TBC1D22A: variants seen among roughly 807,000 people sequenced by gnomAD.
TBC1D22A encodes the protein TBC1 domain family member 22A.
In TBC1D22A, 38 loss-of-function variants were observed where a neutral mutation model predicts 60.2. The observed-to-expected ratio is 0.63, with a 90% CI of 0.49 to 0.83. TBC1D22A has a LOEUF of 0.83. Among genes scored for constraint, TBC1D22A ranks in the 40% least tolerant of loss-of-function variants. TBC1D22A has a pLI of 0.00. For synonymous variants in TBC1D22A, 302 were observed against 281.7 expected (o/e 1.07, Z -0.72); for missense variants, 628 against 701.0 (o/e 0.90, Z 1.18).
chr22:46,920,686 G>A (rs1056745999), intron 8 of TBC1D22A, among the ~76,000 whole-genome samples: 4 of 152,080 alleles, frequency 2.6e-5, no homozygotes. Flanking sequence ...GAAAGTTTTT[G>A]TGTTTATAGA....
intron 4 of TBC1D22A, among the ~76,000 whole-genome samples, chr22:46,877,063 T>C (rs2067602166): frequency 6.6e-6 from 1 of 152,206 alleles, no homozygotes. Context: ...AGAAGTGAGA[T>C]TTGTCTGTGC....
At chr22:46,927,156 A>G (rs2071093913) in intron 8 of TBC1D22A, among the ~76,000 whole-genome samples, 1 of 152,222 alleles carries the variant, frequency 6.6e-6, no homozygotes, top group Non-Finnish European at 1.5e-5. Context: ...ACAAGGAAAG[A>G]AAATTACAGA....
intron 12 of TBC1D22A, among the ~76,000 whole-genome samples, chr22:47,150,779 C>T (rs1052920610): frequency 2.6e-5 from 4 of 152,176 alleles, no homozygotes; most frequent in Non-Finnish European, 5.9e-5. Flanking sequence ...CACTCCCACC[C>T]CCAGCATCGT....
rs146321694 is a variant in TBC1D22A at position 46,957,361 on chromosome 22, T to C, written c.1016-16929T>C. Among the ~76,000 whole-genome samples the C allele has an allele frequency of 4.8e-3, 733 of 152,312 alleles. 8 individuals carry two copies. Among genetic ancestry groups the C allele is most frequent in the African/African-American group, 0.017 (695 of 41,570 alleles). Reference sequence around the variant, plus strand: ...AGTTCTGCAGGCTTAACAGGAAGCATGGCTGGAAGGCCTTAGGAAACTTAC... The same window carrying C: ...AGTTCTGCAGGCTTAACAGGAAGCACGGCTGGAAGGCCTTAGGAAACTTAC... On this transcript the variant is annotated intron_variant, in intron 8 of 12. Coordinates refer to ENST00000337137, the MANE Select transcript of TBC1D22A (RefSeq NM_014346.5).
At chr22:46,897,652 G>GTT (rs34529641) in intron 7 of TBC1D22A, among the ~76,000 whole-genome samples, 5 of 111,476 alleles carry the variant, frequency 4.5e-5, no homozygotes, top group African/African-American at 2.0e-4. Flanking sequence ...TTTTTTTTGT[G>GTT]TTTTTTTTTT....
rs143052447 is a variant in TBC1D22A, at chr22:46,804,517, C to T, written c.637+6897C>T. ...GCGGCTGTTTTATCTGCAGAGTGAT[C>T]TGGGCTTCAGGCAGGGCATGCGAGA... is the stretch of plus-strand genomic sequence containing the variant. On this transcript the variant is annotated intron_variant, in intron 4 of 12. Transcript: ENST00000337137. Among the ~76,000 whole-genome samples, 279 of 152,298 alleles carry T rather than the reference C, an allele frequency of 1.8e-3. 4 individuals carry two copies. In the East Asian group the frequency reaches 0.044, roughly 24 times the overall value.
intron 11 of TBC1D22A, among the ~76,000 whole-genome samples, chr22:47,083,400 C>T (rs1403594590): frequency 6.6e-6 from 1 of 151,702 alleles, no homozygotes; most frequent in East Asian, 1.9e-4. Context: ...AACATGAACC[C>T]AAAGTAAGTG....
chr22:46,941,283 A>C (rs1026725906), intron 8 of TBC1D22A, among the ~76,000 whole-genome samples: 9 of 149,552 alleles, frequency 6.0e-5, no homozygotes, highest in Non-Finnish European at 1.2e-4. Flanking sequence ...GCACACATAT[A>C]TATGTATATA....
chr22:46,877,240 A>G (rs1298473370), intron 4 of TBC1D22A, among the ~76,000 whole-genome samples: 1 of 152,250 alleles, frequency 6.6e-6, no homozygotes, highest in Non-Finnish European at 1.5e-5. Context: ...TGAGGATCAA[A>G]TAAGATAATA....
intron 11 of TBC1D22A, among the ~76,000 whole-genome samples, chr22:47,056,102 GT>G (rs2148458461): frequency 6.6e-6 from 1 of 152,252 alleles, no homozygotes; most frequent in Non-Finnish European, 1.5e-5. Flanking sequence ...TCTTGGGTCT[GT>G]TTGAGCAGTC....
At chr22:47,173,011 C>T (rs1015572910) in intron 12 of TBC1D22A, among the ~76,000 whole-genome samples, 1 of 152,236 alleles carries the variant, frequency 6.6e-6, no homozygotes, top group Non-Finnish European at 1.5e-5. Flanking sequence ...TCCAGGGGTG[C>T]TGCGGTACTT....
chr22:46,931,077 C>T (rs570812079), intron 8 of TBC1D22A, among the ~76,000 whole-genome samples: 2 of 152,328 alleles, frequency 1.3e-5, no homozygotes, highest in Admixed American at 1.3e-4. Context: ...CTCTGGACCG[C>T]AGGCAGCTTT....
chr22:46,987,604 A>G (rs1184417610), intron 9 of TBC1D22A, among the ~76,000 whole-genome samples: 2 of 152,246 alleles, frequency 1.3e-5, no homozygotes, highest in African/African-American at 2.4e-5. Context: ...TTAACATACA[A>G]TAGCATTGTA....
In TBC1D22A at chr22:47,138,150, G is replaced by A. The variant is rs190040905; in HGVS notation, c.1425+26547G>A. Among the ~76,000 whole-genome samples, 1,343 of 152,270 alleles carry A rather than the reference G, an allele frequency of 8.8e-3. 6 individuals carry two copies. The highest frequency in any genetic ancestry group is 0.014 in the Non-Finnish European group (951 of 68,008). On this transcript the variant is annotated intron_variant, in intron 12 of 12. Coordinates refer to ENST00000337137, the MANE Select transcript of TBC1D22A (RefSeq NM_014346.5). ...GTCCTCGTGGGATCGTCCAGGTAGC[G>A]GCACCTCACAGCTGTCTCACGGCCC... is the stretch of plus-strand genomic sequence containing the variant.
At chr22:46,834,100 C>A (rs1368581674) in intron 4 of TBC1D22A, among the ~76,000 whole-genome samples, 1 of 152,032 alleles carries the variant, frequency 6.6e-6, no homozygotes, top group East Asian at 1.9e-4. Flanking sequence ...GTAGACTCAA[C>A]CCCAGCCAAA....
intron 7 of TBC1D22A, among the ~76,000 whole-genome samples, chr22:46,899,764 G>T (rs181624635): frequency 1.7e-4 from 26 of 152,230 alleles, no homozygotes; most frequent in Non-Finnish European, 4.4e-5. Flanking sequence ...TTAAAGATGT[G>T]TCCCAGCAGC....
intron 4 of TBC1D22A, among the ~76,000 whole-genome samples, chr22:46,801,886 G>A (rs2084913042): frequency 6.6e-6 from 1 of 152,242 alleles, no homozygotes. Context: ...TGGGGGTTGG[G>A]AGGGCATGAA....
chr22:46,946,370 C>T (rs1039573199), intron 8 of TBC1D22A, among the ~76,000 whole-genome samples: 6 of 152,192 alleles, frequency 3.9e-5, no homozygotes, highest in Non-Finnish European at 5.9e-5. Context: ...GTGCCCCTGA[C>T]GAGCAGAGGC....
intron 9 of TBC1D22A, among the ~76,000 whole-genome samples, chr22:46,983,325 C>T (rs1215497602): frequency 2.0e-5 from 3 of 152,198 alleles, no homozygotes; most frequent in African/African-American, 4.8e-5. Context: ...CCCATTTAAG[C>T]GTCATGGGGA....
Sources: gnomAD v4.1 joint callset for allele counts (sites outside exome capture counted in the v4.1 genomes callset) on GRCh38, gnomAD v4.1.1 for gene constraint, MANE v1.5 for transcripts, NCBI Gene and HGNC (gene_info 2026-07-23, HGNC 2026-07-21) for gene names.